MACROD2: variants seen among roughly 807,000 people sequenced by gnomAD.
MACROD2 encodes ADP-ribose glycohydrolase MACROD2.
MACROD2 carries 36 observed loss-of-function variants against 70.4 expected under a neutral mutation model. The ratio of observed to expected loss-of-function variants is 0.51; its 90% CI spans 0.39 to 0.68. The LOEUF (loss-of-function observed/expected upper bound fraction) is 0.68. Ranked by LOEUF, MACROD2 falls within the 30% of genes least tolerant of loss-of-function variation. The pLI is 0.00. For missense variants in MACROD2, 496 were observed against 538.4 expected, an observed-to-expected ratio of 0.92 and a Z score of 0.78; for synonymous variants, 172 against 178.8, an observed-to-expected ratio of 0.96 and a Z score of 0.30.
intron 5 of MACROD2, among the ~76,000 whole-genome samples, chr20:14,708,932 T>G (rs1683047692): frequency 6.6e-6 from 1 of 152,194 alleles, no homozygotes; most frequent in African/African-American, 2.4e-5. Flanking sequence ...CACCTGTTTT[T>G]GATGGCAATT....
chr20:15,047,279 A>T (rs913477667), intron 5 of MACROD2, among the ~76,000 whole-genome samples: 1 of 152,204 alleles, frequency 6.6e-6, no homozygotes, highest in Non-Finnish European at 1.5e-5. Context: ...TACAGGCTGC[A>T]GCTGGCGTTT....
At chr20:14,475,560 C>A (rs1312458665) in intron 3 of MACROD2, among the ~76,000 whole-genome samples, 1 of 151,732 alleles carries the variant, frequency 6.6e-6, no homozygotes, top group East Asian at 1.9e-4. Flanking sequence ...TTGAGGGACT[C>A]CCTTTAGCAT....
intron 6 of MACROD2, among the ~76,000 whole-genome samples, chr20:15,315,360 G>A (rs1230412574): frequency 1.3e-5 from 2 of 152,096 alleles, no homozygotes; most frequent in Non-Finnish European, 2.9e-5. Context: ...TGAATCCCGA[G>A]AAGGATCGAC....
At chr20:15,697,568 C>A (rs962394660) in intron 8 of MACROD2, among the ~76,000 whole-genome samples, 1 of 152,062 alleles carries the variant, frequency 6.6e-6, no homozygotes, top group Non-Finnish European at 1.5e-5. Flanking sequence ...TCTGCTAAGT[C>A]CATTTGTTCT....
intron 7 of MACROD2, among the ~76,000 whole-genome samples, chr20:15,479,312 G>A (rs916458588): frequency 1.6e-4 from 19 of 120,728 alleles, no homozygotes; most frequent in East Asian, 4.9e-4. Flanking sequence ...TCGCTCTGTC[G>A]CCCAGGCTGG....
At chr20:15,023,359 G>A (rs2122973211) in intron 5 of MACROD2, among the ~76,000 whole-genome samples, 1 of 152,262 alleles carries the variant, frequency 6.6e-6, no homozygotes, top group East Asian at 1.9e-4. Context: ...TATGGAGAAG[G>A]GTTAGGAGCT....
At chr20:15,937,584 TAA>T in intron 12 of MACROD2, 40 bp downstream of exon 12, 1 of 1,570,156 alleles carries the variant, frequency 6.4e-7, no homozygotes, top group Non-Finnish European at 8.8e-7. Flanking sequence ...TGCAGACTCT[TAA>T]AAGAGACTGT....
intron 8 of MACROD2, among the ~76,000 whole-genome samples, chr20:15,648,341 A>C (rs149655426): frequency 1.5e-4 from 23 of 152,298 alleles, no homozygotes; most frequent in Admixed American, 3.3e-4. Context: ...TCACTTGAAT[A>C]AGTCCAATAC....
intron 3 of MACROD2, chr20:14,128,208 T>A: frequency 2.7e-6 from 1 of 376,866 alleles, no homozygotes; most frequent in Non-Finnish European, 5.2e-6. Context: ...CTAAGAAGAT[T>A]TGGGAGCAGA....
In MACROD2 at chr20:14,784,673, G is replaced by GC. The variant is rs367582954; in HGVS notation, c.418+99714_418+99715insC. Among the ~76,000 whole-genome samples the GC allele has an allele frequency of 1.3e-4, 16 of 121,226 alleles. 1 individual carries two copies. Among genetic ancestry groups the GC allele is most frequent in the Non-Finnish European group, 2.4e-4 (14 of 58,806 alleles). The allele number at this position is 121,226 out of a possible 152,430, so 79.5% of individuals were successfully genotyped here. On this transcript the variant is annotated intron_variant, in intron 5 of 17. Coordinates refer to ENST00000684519, the MANE Select transcript of MACROD2 (RefSeq NM_001351661.2). ...GAAAAGGATGGTGTTTTAAGTGGGG[G>GC]GGGGGGGGCACCAGATTCAGTTACC...
intron 3 of MACROD2, among the ~76,000 whole-genome samples, chr20:14,197,701 A>T (rs1287652309): frequency 6.6e-6 from 1 of 151,944 alleles, no homozygotes. Context: ...TGGTAAGTGG[A>T]GGTTGCAGTA....
At chr20:15,454,996 A>G (rs1217959197) in intron 7 of MACROD2, among the ~76,000 whole-genome samples, 5 of 152,110 alleles carry the variant, frequency 3.3e-5, no homozygotes, top group African/African-American at 1.2e-4. Context: ...TGTGATAAAC[A>G]TTTACTCTCA....
At chr20:14,995,754 C>T (rs2074943907) in intron 5 of MACROD2, among the ~76,000 whole-genome samples, 1 of 151,874 alleles carries the variant, frequency 6.6e-6, no homozygotes, top group Non-Finnish European at 1.5e-5. Context: ...CCATAATGGA[C>T]ATTATAAAGT....
At chr20:14,034,264 G>A (rs192503970) in intron 2 of MACROD2, among the ~76,000 whole-genome samples, 129 of 152,298 alleles carry the variant, frequency 8.5e-4, no homozygotes, top group Non-Finnish European at 1.3e-3. Flanking sequence ...GTGAGCCACC[G>A]CGTCCAGCCC....
rs191081294 is a variant in MACROD2, at chr20:15,198,576, T to C, written c.419-31364T>C. 1.5e-3 allele frequency among the ~76,000 whole-genome samples: 229 copies of C among 152,308 alleles called. 2 individuals are homozygous for C. Among genetic ancestry groups the C allele is most frequent in the Middle Eastern group, 3.4e-3 (1 of 294 alleles). On this transcript the variant is annotated intron_variant, in intron 5 of 17. Transcript: ENST00000684519. ...TCTTCATGTTTTCAATAAAATACTATATCATTAGTATTATCCTGTGTAAAC... is the reference window on the plus strand; with the variant it reads ...TCTTCATGTTTTCAATAAAATACTACATCATTAGTATTATCCTGTGTAAAC...
At position 14,629,806 on chromosome 20, in the gene MACROD2, T is replaced by C. The variant is rs979221153; in HGVS notation, c.302-55037T>C. 5.3e-5 allele frequency among the ~76,000 whole-genome samples: 8 copies of C among 152,292 alleles called. No homozygotes were observed. In the East Asian group the frequency reaches 1.3e-3, roughly 26 times the overall value. On this transcript the variant is annotated intron_variant, in intron 4 of 17. Transcript: ENST00000684519. The stretch of plus-strand genomic sequence containing the variant: ...TTTTTCTTTTTATCCTAAAGAACCC[T>C]GGTCTCTTTTTATTTCCTGGTCAAT...
chr20:14,917,599 C>A (rs2074108120), intron 5 of MACROD2, among the ~76,000 whole-genome samples: 1 of 152,048 alleles, frequency 6.6e-6, no homozygotes, highest in South Asian at 2.1e-4. Context: ...CAGAGGAAGA[C>A]AAACCTCCAA....
intron 2 of MACROD2, among the ~76,000 whole-genome samples, chr20:14,062,827 A>C (rs1385007410): frequency 6.6e-6 from 1 of 152,212 alleles, no homozygotes; most frequent in African/African-American, 2.4e-5. Flanking sequence ...ATGAAATCTG[A>C]CTTCTTTAAT....
chr20:14,158,469 G>C (rs1050008589), intron 3 of MACROD2, among the ~76,000 whole-genome samples: 20 of 152,038 alleles, frequency 1.3e-4, no homozygotes, highest in African/African-American at 4.6e-4. Context: ...GTTGTTATCT[G>C]TGCTTTTGAG....
Sources: allele counts gnomAD v4.1 joint callset (sites outside exome capture counted in the v4.1 genomes callset), GRCh38; gene constraint gnomAD v4.1.1; transcripts MANE v1.5; gene names NCBI Gene and HGNC (gene_info 2026-07-23, HGNC 2026-07-21).